TSPAN17: variants seen among roughly 807,000 people sequenced by gnomAD.
TSPAN17 encodes tetraspanin-17.
A neutral mutation model predicts 40.5 loss-of-function variants in TSPAN17; 33 were observed. The observed-to-expected ratio is 0.81, with a 90% CI of 0.62 to 1.09. The LOEUF is 1.09. TSPAN17 is among the 50% of genes least tolerant of loss of function. The pLI is 0.00. For synonymous variants in TSPAN17, 166 were observed against 169.4 expected, an observed-to-expected ratio of 0.98 and a Z score of 0.15; for missense variants, 365 against 416.8, an observed-to-expected ratio of 0.88 and a Z score of 1.08.
rs767001896 is a variant in TSPAN17, at chr5:176,652,854, G to A, written c.397G>A (p.Val133Ile). 3.1e-6 allele frequency: 5 copies of A among 1,614,170 alleles called. 1 individual carries two copies. Among genetic ancestry groups the A allele is most frequent in the Middle Eastern group, 1.7e-4 (1 of 6,060 alleles). ...DQLNLFINNNVKAYRDDIDLQ... is the reference protein window; with the variant it reads ...DQLNLFINNNIKAYRDDIDLQ... ...GCTCAACCTCTTCATCAACAACAAC[G>A]TCAAGGCCTACCGGGACGACATTGA... The change falls in exon 4 of 9, where the codon GTC (valine) becomes ATC (isoleucine). Residue 133 changes from valine (V) to isoleucine (I), a missense_variant. Coordinates refer to ENST00000508164, the MANE Select transcript of TSPAN17 (RefSeq NM_130465.5).
In TSPAN17 at chr5:176,651,930, A is replaced by G. The variant is rs779049438; in HGVS notation, c.285+30A>G. The G allele has an allele frequency of 1.9e-6, 3 of 1,611,972 alleles. No individual in the cohort carries two copies. Among genetic ancestry groups the G allele is most frequent in the Non-Finnish European group, 1.7e-6 (2 of 1,179,386 alleles). ...GTGCTGCCCTCAAGATCCCCTGGGA[A>G]CCCCCATCTCCTCCCATCCAGTTCT... On this transcript the variant is annotated intron_variant, in intron 3 of 8. Transcript: ENST00000508164. The surrounding 1 kb of genome is among the most constrained non-coding windows in gnomAD (Gnocchi z 4.5).
chr5:176,648,827 A>AAC (rs1760849015), intron 1 of TSPAN17, among the ~76,000 whole-genome samples: 1 of 152,046 alleles, frequency 6.6e-6, no homozygotes, highest in African/African-American at 2.4e-5. Context: ...TTGTATTCTC[A>AAC]CAACTGCCTT....
At position 176,651,884 on chromosome 5, in the gene TSPAN17, C is replaced by A. The variant is rs1480656397; in HGVS notation, c.269C>A (p.Thr90Asn). The change falls in exon 3 of 9, where the codon ACC becomes AAC. Residue 90 changes from threonine (T) to asparagine (N), a missense_variant. Thr to Asn is a moderately conservative substitution (Grantham distance 65). Transcript: ENST00000508164. This position sits in a 1 kb window ranked among gnomAD's most constrained non-coding sequence, Gnocchi z 4.5. ...AGCIGALREN[T>N]FLLKFFSVFL... ...TGCATTGGGGCCCTCCGGGAGAACA[C>A]CTTCCTGCTCAAGTTTGTGAGTGCT... The A allele has an allele frequency of 6.2e-7, 1 of 1,614,036 alleles. No homozygotes were observed. The highest frequency in any genetic ancestry group is 1.7e-5 in the Admixed American group (1 of 60,016).
intron 1 of TSPAN17, 87 bp downstream of exon 1, chr5:176,647,789 C>T (rs961564384): frequency 1.2e-4 from 151 of 1,300,730 alleles, no homozygotes; most frequent in Non-Finnish European, 1.5e-4. Context: ...CCACTCCCTG[C>T]CCCAAGAGTT....
Position 176,654,676 on chromosome 5 carries a change from G to A in TSPAN17, c.457-219G>A. 1.8e-6 allele frequency: 1 copy of A among 560,710 alleles called. No homozygotes were observed. 34.7% of individuals were successfully genotyped at this position (560,710 alleles called of 1,614,324 possible). On this transcript the variant is annotated intron_variant, in intron 4 of 8. Transcript: ENST00000508164. This position sits in a 1 kb window ranked among gnomAD's most constrained non-coding sequence, Gnocchi z 4.3. ...CCTTTTTCTAGCCTCTCTTGGGTCG[G>A]GGAAGGGGGAGCTCAGTGTCCCCTC... is the stretch of plus-strand genomic sequence containing the variant.
At chr5:176,655,974 C>T in intron 5 of TSPAN17, 104 bp from the exon 6 acceptor site, 2 of 990,810 alleles carry the variant, frequency 2.0e-6, no homozygotes, top group South Asian at 1.3e-5. Flanking sequence ...ATCCACGGGC[C>T]CATCTGCGTC....
rs1244250050 is a variant in TSPAN17 at position 176,657,476 on chromosome 5, G to C, written c.810-42G>C. On this transcript the variant is annotated intron_variant, in intron 8 of 8. Coordinates refer to ENST00000508164, the MANE Select transcript of TSPAN17 (RefSeq NM_130465.5). Reference sequence around the variant, plus strand: ...CCTCAGCCTCAGTGTCCCAGACTCTGAAATGGGTCCAAGAATTTTCTTTCT... The same window carrying C: ...CCTCAGCCTCAGTGTCCCAGACTCTCAAATGGGTCCAAGAATTTTCTTTCT... The C allele has an allele frequency of 2.6e-6, 4 of 1,552,052 alleles. No individual in the cohort carries two copies. In the African/African-American group the frequency reaches 5.5e-5, roughly 21 times the overall value.
intron 1 of TSPAN17, among the ~76,000 whole-genome samples, chr5:176,649,123 G>T (rs1331244368): frequency 6.6e-6 from 1 of 152,142 alleles, no homozygotes; most frequent in Non-Finnish European, 1.5e-5. Flanking sequence ...CTGTTCTGGA[G>T]ACCGCTTGCC....
At chr5:176,657,204 GCCA>G in intron 8 of TSPAN17, 1 of 619,292 alleles carries the variant, frequency 1.6e-6, no homozygotes, top group Non-Finnish European at 2.8e-6. Context: ...TGCACAGGGA[GCCA>G]CCGTCTCGGC....
chr5:176,647,774 G>T lies in TSPAN17; in HGVS notation c.87+72G>T, dbSNP rs1222004451. On this transcript the variant is annotated intron_variant, in intron 1 of 8. Coordinates refer to ENST00000508164, the MANE Select transcript of TSPAN17 (RefSeq NM_130465.5). ...GAGGGAGATTCAGTCTTTTGCTGGG[G>T]GAGACCACTCCCTGCCCCAAGAGTT... 2.2e-6 allele frequency: 3 copies of T among 1,389,184 alleles called. No individual in the cohort carries two copies. The East Asian group carries it at 8.4e-5, about 39-fold the overall frequency. 86.1% of individuals were successfully genotyped at this position (1,389,184 alleles called of 1,614,324 possible).
At position 176,657,523 on chromosome 5, in the gene TSPAN17, A is replaced by G. The variant is rs759492663; in HGVS notation, c.815A>G (p.Lys272Arg). The G allele has an allele frequency of 6.3e-7, 1 of 1,585,344 alleles. No individual in the cohort carries two copies. Among genetic ancestry groups the G allele is most frequent in the Non-Finnish European group, 8.6e-7 (1 of 1,163,964 alleles). ...DIKAVKANWSKWNDDFENHWL... is the reference protein window; with the variant it reads ...DIKAVKANWSRWNDDFENHWL... Reference sequence around the variant, plus strand: ...TTCTCTTGCTTGCCTCTCAGGAGCAAATGGAATGATGACTTTGAAAACCAC... The same window carrying G: ...TTCTCTTGCTTGCCTCTCAGGAGCAGATGGAATGATGACTTTGAAAACCAC... The change falls in exon 9 of 9, where the codon AAA (lysine) becomes AGA (arginine). Residue 272 changes from lysine (K) to arginine (R), a missense_variant. Transcript: ENST00000508164.
Position 176,657,834 on chromosome 5 carries a change from C to T in TSPAN17, c.*136C>T, listed in dbSNP as rs1192591384. 1 of 1,450,164 alleles carries T rather than the reference C, an allele frequency of 6.9e-7. No individual in the cohort carries two copies. Among genetic ancestry groups the T allele is most frequent in the Admixed American group, 2.7e-5 (1 of 37,672 alleles). 89.8% of individuals were successfully genotyped at this position (1,450,164 alleles called of 1,614,324 possible). A position where few individuals can be genotyped will look rare whatever the true frequency, so the allele number is the denominator to read the frequency against. On this transcript the variant is annotated 3_prime_UTR_variant, in exon 9 of 9. Coordinates refer to ENST00000508164, the MANE Select transcript of TSPAN17 (RefSeq NM_130465.5). ...GCCCCAGCTGGCCCGTTCTACTCACCTAAGTGCCGCCTGACCCTTGTACAC... is the reference window on the plus strand; with the variant it reads ...GCCCCAGCTGGCCCGTTCTACTCACTTAAGTGCCGCCTGACCCTTGTACAC...
chr5:176,651,332 G>A lies in TSPAN17; in HGVS notation c.88-284G>A, dbSNP rs569406300. ...GCTGACACAGCTGCTATTGCTCCTT[G>A]GCAGGAGTGTCTTGGCCACCGTCTG... On this transcript the variant is annotated intron_variant, in intron 1 of 8. Transcript: ENST00000508164. The surrounding 1 kb of genome is among the most constrained non-coding windows in gnomAD (Gnocchi z 4.5). 6.6e-6 allele frequency among the ~76,000 whole-genome samples: 1 copy of A among 152,176 alleles called. No homozygotes were observed. Among genetic ancestry groups the A allele is most frequent in the Non-Finnish European group, 1.5e-5 (1 of 68,036 alleles).
chr5:176,657,420 G>C lies in TSPAN17; in HGVS notation c.810-98G>C, dbSNP rs912100155. The C allele has an allele frequency of 9.8e-6, 15 of 1,526,672 alleles. No individual in the cohort carries two copies. The South Asian group carries it at 1.9e-4, about 19-fold the overall frequency. The allele number at this position is 1,526,672 out of a possible 1,614,324, so 94.6% of individuals were successfully genotyped here. A position where few individuals can be genotyped will look rare whatever the true frequency, so the allele number is the denominator to read the frequency against. On this transcript the variant is annotated intron_variant, in intron 8 of 8. Transcript: ENST00000508164. ...ACAGCTTCAGAGCACTCTTTTCTAT[G>C]AGCTGTAACTTTGAGCCTGCCAGGA... is the stretch of plus-strand genomic sequence containing the variant.
In TSPAN17 at chr5:176,652,711, C is replaced by G. The variant is rs528027374; in HGVS notation, c.286-32C>G. ...GGGAGGTCACCAGAGCCCTGCGTTT[C>G]CAACCCCTACTGTCTGTATGCCCAA... On this transcript the variant is annotated intron_variant, in intron 3 of 8. Transcript: ENST00000508164. 430 of 1,609,580 alleles carry G rather than the reference C, an allele frequency of 2.7e-4. 9 individuals carry two copies. In the South Asian group the frequency reaches 4.6e-3, roughly 17 times the overall value.
intron 5 of TSPAN17, 117 bp downstream of exon 5, chr5:176,655,137 C>T (rs1418874501): frequency 1.9e-5 from 25 of 1,319,300 alleles, no homozygotes; most frequent in East Asian, 5.2e-5. Context: ...TGCTGGGGGA[C>T]GTCATTTTAC....
At chr5:176,649,426 TTTTTTC>T (rs1032053907) in intron 1 of TSPAN17, among the ~76,000 whole-genome samples, 11 of 149,684 alleles carry the variant, frequency 7.3e-5, no homozygotes, top group African/African-American at 2.8e-4. Context: ...TCCTTTTTTC[TTTTTTC>T]TTTTTTTTTT....
At position 176,651,920 on chromosome 5, in the gene TSPAN17, TC is replaced by T; in HGVS notation, c.285+24del. ...AAGTTTGTGAGTGCTGCCCTCAAGA[TC>T]CCCTGGGAACCCCCATCTCCTCCCA... is the stretch of plus-strand genomic sequence containing the variant. On this transcript the variant is annotated intron_variant, in intron 3 of 8. Coordinates refer to ENST00000508164, the MANE Select transcript of TSPAN17 (RefSeq NM_130465.5). The surrounding 1 kb of genome is among the most constrained non-coding windows in gnomAD (Gnocchi z 4.5). 6.2e-7 allele frequency: 1 copy of T among 1,612,966 alleles called. No homozygotes were observed. Among genetic ancestry groups the T allele is most frequent in the Middle Eastern group, 1.7e-4 (1 of 6,056 alleles).
chr5:176,655,108 C>T (rs1581197644), intron 5 of TSPAN17, 88 bp downstream of exon 5: 2 of 1,469,112 alleles, frequency 1.4e-6, no homozygotes, highest in East Asian at 2.5e-5. Flanking sequence ...TCCGCTCTGC[C>T]CTGCTCTGGG....
Sources: allele counts gnomAD v4.1 joint callset (sites outside exome capture counted in the v4.1 genomes callset), GRCh38; gene constraint gnomAD v4.1.1; non-coding constraint Gnocchi (gnomAD v3.1); transcripts MANE v1.5; gene names NCBI Gene and HGNC (gene_info 2026-07-23, HGNC 2026-07-21).